ZNF346: variants seen among roughly 807,000 people sequenced by gnomAD.
ZNF346 encodes zinc finger protein 346, also known as double-stranded RNA-binding zinc finger protein JAZ.
A neutral mutation model predicts 33.7 loss-of-function variants in ZNF346; 23 were observed. That is an observed-to-expected ratio of 0.68 (90% CI 0.49 to 0.97). ZNF346 has a LOEUF of 0.97. Among genes scored for constraint, ZNF346 ranks in the 50% least tolerant of loss-of-function variants. ZNF346 has a pLI of 0.00. For synonymous variants in ZNF346, 134 were observed against 142.4 expected (o/e 0.94, Z 0.42); for missense variants, 340 against 371.1 (o/e 0.92, Z 0.69).
intron 1 of ZNF346, among the ~76,000 whole-genome samples, chr5:177,033,495 G>A (rs552533348): frequency 1.4e-3 from 214 of 152,004 alleles, no homozygotes; most frequent in Non-Finnish European, 2.6e-3. Flanking sequence ...GTCAGTTGAC[G>A]AATTTTTTTG....
At chr5:177,069,018 T>G (rs1403061987), downstream of ZNF346, among the ~76,000 whole-genome samples, 2 of 143,020 alleles carry the variant, frequency 1.4e-5, no homozygotes, top group African/African-American at 6.0e-5. Context: ...CTAGTCAGTA[T>G]CCCCCAGAAG....
chr5:177,034,120 T>C (rs1200942046), intron 1 of ZNF346, among the ~76,000 whole-genome samples: 2 of 151,976 alleles, frequency 1.3e-5, no homozygotes, highest in Non-Finnish European at 2.9e-5. Context: ...CTGGCTCAAA[T>C]GATCCTCCCA....
At chr5:177,069,356 G>T (rs1182434738), downstream of ZNF346, among the ~76,000 whole-genome samples, 6 of 151,680 alleles carry the variant, frequency 4.0e-5, no homozygotes, top group Admixed American at 6.6e-5. Context: ...GCTCGCTGAG[G>T]CAGGAGAATC....
rs112078049 is a variant in ZNF346, at chr5:177,054,573, T to C, written c.703+3637T>C. 2.3e-3 allele frequency among the ~76,000 whole-genome samples: 350 copies of C among 151,186 alleles called. 2 individuals are homozygous for C. Among genetic ancestry groups the C allele is most frequent in the African/African-American group, 8.3e-3 (343 of 41,194 alleles). On this transcript the variant is annotated intron_variant, in intron 5 of 6. Transcript: ENST00000358149. ...ACCACCATGCCCGGCTAATTTTTTT[T>C]TATTTTTAGTAGAGACAGGGTTTCA...
chr5:177,043,905 A>G (rs1462324003), intron 3 of ZNF346, among the ~76,000 whole-genome samples: 3 of 152,170 alleles, frequency 2.0e-5, no homozygotes, highest in Non-Finnish European at 4.4e-5. Context: ...GTTCACAGAA[A>G]AGTCTCCTAA....
At chr5:177,075,593 TGCA>T (rs1361424650) in intron 8 of ZNF346, among the ~76,000 whole-genome samples, 1 of 152,174 alleles carries the variant, frequency 6.6e-6, no homozygotes. Flanking sequence ...CATAGGTCAC[TGCA>T]GCCTCGATCT....
chr5:177,023,465 A>T (rs1052105601), intron 1 of ZNF346, among the ~76,000 whole-genome samples: 9 of 152,088 alleles, frequency 5.9e-5, no homozygotes, highest in Non-Finnish European at 1.2e-4. Flanking sequence ...TAAGGTGGGG[A>T]CAAGGAGCCT....
chr5:177,053,815 T>C (rs918114776), intron 5 of ZNF346, among the ~76,000 whole-genome samples: 3 of 152,214 alleles, frequency 2.0e-5, no homozygotes, highest in Admixed American at 1.3e-4. Context: ...TACTAGTCCA[T>C]GCCTAATCCA....
intron 1 of ZNF346, among the ~76,000 whole-genome samples, chr5:177,036,342 T>C (rs1778508315): frequency 6.6e-6 from 1 of 152,198 alleles, no homozygotes; most frequent in African/African-American, 2.4e-5. Context: ...GGTTCCCTTT[T>C]ATAATTTCTA....
chr5:177,073,785 T>C (rs570684304), intron 8 of ZNF346, among the ~76,000 whole-genome samples: 1 of 137,864 alleles, frequency 7.3e-6, no homozygotes, highest in Admixed American at 8.1e-5. Flanking sequence ...CCTTTTGCAA[T>C]GTGACTTTAT....
chr5:177,026,423 G>C (rs1165714942), intron 1 of ZNF346, among the ~76,000 whole-genome samples: 1 of 142,186 alleles, frequency 7.0e-6, no homozygotes, highest in African/African-American at 2.7e-5. Context: ...GTGGTGGCAC[G>C]ATCTCAGCTC....
intron 1 of ZNF346, among the ~76,000 whole-genome samples, chr5:177,025,706 A>G (rs1026830800): frequency 1.3e-5 from 2 of 152,064 alleles, no homozygotes; most frequent in Non-Finnish European, 2.9e-5. Context: ...TCATTTGCCT[A>G]TTTTGTAATT....
chr5:177,060,489 AAT>A, intron 5 of ZNF346, among the ~76,000 whole-genome samples: 1 of 151,310 alleles, frequency 6.6e-6, no homozygotes, highest in Admixed American at 6.6e-5. Flanking sequence ...TGGGTGACAG[AAT>A]GAGACTCCAT....
chr5:177,070,545 G>C (rs989642860), downstream of ZNF346, among the ~76,000 whole-genome samples: 1 of 152,150 alleles, frequency 6.6e-6, no homozygotes. Context: ...TCGCAAAGCT[G>C]CCTCGGGGTG....
At chr5:177,061,118 A>AT (rs1385204428) in intron 5 of ZNF346, among the ~76,000 whole-genome samples, 1 of 147,848 alleles carries the variant, frequency 6.8e-6, no homozygotes, top group Non-Finnish European at 1.5e-5. Context: ...TCAAAAAAAA[A>AT]CAAGTTGCGG....
intron 1 of ZNF346, among the ~76,000 whole-genome samples, chr5:177,040,469 C>T (rs1287433651): frequency 1.3e-5 from 2 of 152,018 alleles, no homozygotes; most frequent in Non-Finnish European, 2.9e-5. Context: ...CTCAGCCTCC[C>T]GAGTAGCTGG....
chr5:177,028,496 T>TATA (rs1554142623), intron 1 of ZNF346, among the ~76,000 whole-genome samples: 2,077 of 90,464 alleles, frequency 0.023, 163 homozygotes, highest in African/African-American at 0.11. Context: ...TTGTGACGTT[T>TATA]TATATATATA....
At chr5:177,035,838 A>G (rs1399227727) in intron 1 of ZNF346, among the ~76,000 whole-genome samples, 1 of 151,462 alleles carries the variant, frequency 6.6e-6, no homozygotes, top group Admixed American at 6.6e-5. Context: ...ACAGGGTTTC[A>G]CTATGTTGGC....
intron 1 of ZNF346, among the ~76,000 whole-genome samples, chr5:177,031,986 C>CTTTTCTT (rs1777768616): frequency 7.2e-6 from 1 of 138,308 alleles, no homozygotes; most frequent in African/African-American, 2.7e-5. Context: ...TTCTTCATGC[C>CTTTTCTT]TTTTCTTTTT....
Sources: gnomAD v4.1 joint callset for allele counts (sites outside exome capture counted in the v4.1 genomes callset) on GRCh38, gnomAD v4.1.1 for gene constraint, MANE v1.5 for transcripts, NCBI Gene and HGNC (gene_info 2026-07-23, HGNC 2026-07-21) for gene names.